Variants in SLC18B1 observed in about 807,000 individuals in gnomAD.
SLC18B1 encodes solute carrier family 18 member B1.
SLC18B1 carries 62 observed loss-of-function variants against 53.9 expected under a neutral mutation model. The observed-to-expected ratio is 1.15, with a 90% CI of 0.94 to 1.42. SLC18B1 has a LOEUF of 1.42. Ranked by LOEUF, SLC18B1 falls within the 40% of genes most tolerant of loss-of-function variation. The pLI is 0.00. For missense variants in SLC18B1, 598 were observed against 547.3 expected (o/e 1.09, Z -0.93); for synonymous variants, 217 against 200.9 (o/e 1.08, Z -0.68).
At position 132,783,915 on chromosome 6, in the gene SLC18B1, T is replaced by A; in HGVS notation, c.658+18A>T. On this transcript the variant is annotated intron_variant, in intron 6 of 13. Coordinates refer to ENST00000275227, the MANE Select transcript of SLC18B1 (RefSeq NM_052831.3). ...ATATATTTAAGGTTCTTAAAATGAG[T>A]AATAAGTGTGGACTTACCGTAATTG... The A allele has an allele frequency of 6.5e-7, 1 of 1,530,346 alleles. No homozygotes were observed. Among genetic ancestry groups the A allele is most frequent in the East Asian group, 2.4e-5 (1 of 41,808 alleles). 94.8% of individuals were successfully genotyped at this position (1,530,346 alleles called of 1,614,324 possible).
chr6:132,783,885 TA>T, intron 6 of SLC18B1, 47 bp downstream of exon 6: 2 of 1,389,784 alleles, frequency 1.4e-6, no homozygotes, highest in South Asian at 1.8e-5. Context: ...TACAAAGGTA[TA>T]AAAATATATT....
At chr6:132,787,784 T>C (rs1302998118) in intron 4 of SLC18B1, among the ~76,000 whole-genome samples, 1 of 152,146 alleles carries the variant, frequency 6.6e-6, no homozygotes, top group Non-Finnish European at 1.5e-5. Flanking sequence ...TGGTAACCAT[T>C]TGAGTCATAA....
Position 132,797,048 on chromosome 6 carries a change from C to A in SLC18B1, c.117G>T (p.Ser39=), listed in dbSNP as rs777524903. The change falls in exon 2 of 14, where the codon TCG becomes TCT. Residue 39 remains serine, a synonymous_variant. Transcript: ENST00000275227. ...TGGAACCTAAGTTCACCGAAGCTGCCGATATCAGTACAAAAACCTGTTCTC... is the reference window on the plus strand; with the variant it reads ...TGGAACCTAAGTTCACCGAAGCTGCAGATATCAGTACAAAAACCTGTTCTC... ...LSREQVFVLI[S]AASVNLGSMM... The A allele has an allele frequency of 4.3e-6, 7 of 1,614,118 alleles. No homozygotes were observed.
intron 4 of SLC18B1, among the ~76,000 whole-genome samples, chr6:132,788,168 A>G (rs1781431081): frequency 1.4e-5 from 2 of 144,054 alleles, no homozygotes; most frequent in African/African-American, 5.8e-5. Flanking sequence ...CTCAAAAAAA[A>G]GAAAAAGAAA....
chr6:132,777,970 G>C (rs1278011447), intron 7 of SLC18B1, among the ~76,000 whole-genome samples: 2 of 152,168 alleles, frequency 1.3e-5, no homozygotes, highest in East Asian at 3.8e-4. Context: ...TAATTACCTG[G>C]GTGCAGGCAG....
chr6:132,777,980 G>A (rs954006186), intron 7 of SLC18B1, among the ~76,000 whole-genome samples: 6 of 152,196 alleles, frequency 3.9e-5, no homozygotes, highest in Non-Finnish European at 8.8e-5. Context: ...GGTGCAGGCA[G>A]ACTGAGTCCG....
At chr6:132,776,828 T>C (rs1001957428) in intron 7 of SLC18B1, among the ~76,000 whole-genome samples, 2 of 152,156 alleles carry the variant, frequency 1.3e-5, no homozygotes, top group Non-Finnish European at 2.9e-5. Flanking sequence ...TCTAAAGATT[T>C]CTTAGGTTGG....
rs919114507 is a variant in SLC18B1, at chr6:132,798,479, C to G, written c.-23G>C. The G allele has an allele frequency of 6.1e-6, 9 of 1,485,030 alleles. No homozygotes were observed. The Admixed American group carries it at 7.3e-5, about 12-fold the overall frequency. The allele number at this position is 1,485,030 out of a possible 1,614,324, so 92.0% of individuals were successfully genotyped here. On this transcript the variant is annotated 5_prime_UTR_variant, in exon 1 of 14. Coordinates refer to ENST00000275227, the MANE Select transcript of SLC18B1 (RefSeq NM_052831.3). The stretch of plus-strand genomic sequence containing the variant: ...CATCCCCGGTGCGTGGACTCCGGCG[C>G]CCCAGCTCCCGGCTTCAAGCCACGT...
chr6:132,792,225 C>CAGAAAGAAAGAAAGAA (rs1554223211), intron 2 of SLC18B1, among the ~76,000 whole-genome samples: 2 of 44,582 alleles, frequency 4.5e-5, no homozygotes, highest in African/African-American at 7.5e-5. Context: ...AAGACACTGT[C>CAGAAAGAAAGAAAGAA]AGAAAGAAAG....
intron 5 of SLC18B1, among the ~76,000 whole-genome samples, chr6:132,784,724 T>G (rs1285877528): frequency 6.6e-6 from 1 of 152,186 alleles, no homozygotes; most frequent in East Asian, 1.9e-4. Context: ...AGAATTTAAC[T>G]TACAAGTTTA....
intron 2 of SLC18B1, 27 bp downstream of exon 2, chr6:132,796,955 G>A: frequency 6.3e-7 from 1 of 1,581,466 alleles, no homozygotes; most frequent in Non-Finnish European, 8.6e-7. Flanking sequence ...AAAAAACAGA[G>A]GTCCTAAGGA....
chr6:132,784,870 A>G (rs1781329233), intron 5 of SLC18B1, among the ~76,000 whole-genome samples: 1 of 152,206 alleles, frequency 6.6e-6, no homozygotes, highest in Non-Finnish European at 1.5e-5. Context: ...GTGAAATACT[A>G]TACAGACAGT....
rs755314302 is a variant in SLC18B1 at position 132,775,324 on chromosome 6, C to T, written c.897+1004G>A. On this transcript the variant is annotated intron_variant, in intron 8 of 13. Transcript: ENST00000275227. ...ATTGTTTATAAAGCCTCTCAGTTTACGATATTTTGTTATAGTATCCTGAAT... is the reference window on the plus strand; with the variant it reads ...ATTGTTTATAAAGCCTCTCAGTTTATGATATTTTGTTATAGTATCCTGAAT... Among the ~76,000 whole-genome samples the T allele has an allele frequency of 8.5e-5, 13 of 152,282 alleles. 1 individual carries two copies. The South Asian group carries it at 1.2e-3, about 15-fold the overall frequency.
Position 132,774,204 on chromosome 6 carries a change from G to A in SLC18B1, c.989+18C>T. The A allele has an allele frequency of 1.3e-6, 2 of 1,574,680 alleles. No individual in the cohort carries two copies. The highest frequency in any genetic ancestry group is 1.7e-4 in the Middle Eastern group (1 of 5,920). On this transcript the variant is annotated intron_variant, in intron 9 of 13. Transcript: ENST00000275227. ...CTAATGTTATTTGGCCAAACATACA[G>A]AAGAAGAAAAAAATTACCTTTTAAT...
Position 132,792,257 on chromosome 6 carries a change from A to AGAGAGAGAG in SLC18B1, c.184-1986_184-1985insCTCTCTCTC, listed in dbSNP as rs1562271308. ...AAAGAAAGAAAGAAAGAAAGAAAGA[A>AGAGAGAGAG]AGAAAGAAAGAAAGAAAGAAAGAAA... On this transcript the variant is annotated intron_variant, in intron 2 of 13. Transcript: ENST00000275227. Among the ~76,000 whole-genome samples, 75 of 33,334 alleles carry AGAGAGAGAG rather than the reference A, an allele frequency of 2.2e-3. 2 individuals carry two copies. Among genetic ancestry groups the AGAGAGAGAG allele is most frequent in the Middle Eastern group, 0.011 (1 of 88 alleles). The allele number at this position is 33,334 out of a possible 152,430, so 21.9% of individuals were successfully genotyped here. A position where few individuals can be genotyped will look rare whatever the true frequency, so the allele number is the denominator to read the frequency against.
chr6:132,796,347 T>TC (rs1221981855), intron 2 of SLC18B1, among the ~76,000 whole-genome samples: 1 of 75,744 alleles, frequency 1.3e-5, no homozygotes, highest in Non-Finnish European at 2.2e-5. Flanking sequence ...AGTGCGAGAC[T>TC]CCATCTCAAA....
intron 2 of SLC18B1, among the ~76,000 whole-genome samples, chr6:132,792,239 G>GA (rs1311382105): frequency 4.9e-4 from 3 of 6,084 alleles, no homozygotes; most frequent in African/African-American, 3.3e-3. Flanking sequence ...AAGAAAGAAA[G>GA]AAAGAAAGAA....
intron 11 of SLC18B1, 64 bp from the exon 12 acceptor site, chr6:132,771,193 G>T (rs1780965928): frequency 5.0e-6 from 7 of 1,393,994 alleles, no homozygotes; most frequent in Non-Finnish European, 7.1e-6. Flanking sequence ...TTCATGAAAA[G>T]CTACATGATC....
chr6:132,776,488 C>T, intron 7 of SLC18B1, 59 bp from the exon 8 acceptor site: 1 of 1,188,398 alleles, frequency 8.4e-7, no homozygotes, highest in Non-Finnish European at 1.2e-6. Context: ...GTAAACATCC[C>T]TCTTTTCCCT....
Sources: gnomAD v4.1 joint callset for allele counts (sites outside exome capture counted in the v4.1 genomes callset) on GRCh38, gnomAD v4.1.1 for gene constraint, MANE v1.5 for transcripts, NCBI Gene and HGNC (gene_info 2026-07-23, HGNC 2026-07-21) for gene names.